RIT2: variants seen among roughly 807,000 people sequenced by gnomAD.
RIT2 encodes Ras like without CAAX 2.
A neutral mutation model predicts 23.7 loss-of-function variants in RIT2; 24 were observed. The observed-to-expected ratio is 1.01, with a 90% CI of 0.73 to 1.43. RIT2 has a LOEUF of 1.43. Ranked by LOEUF, RIT2 falls within the 40% of genes most tolerant of loss-of-function variation. The probability of loss-of-function intolerance (pLI) is 0.00; values close to 1 mark genes in which losing one functional copy is unlikely to be tolerated. For synonymous variants in RIT2, 107 were observed against 91.1 expected, an observed-to-expected ratio of 1.17 and a Z score of -0.99; for missense variants, 236 against 266.9, an observed-to-expected ratio of 0.88 and a Z score of 0.81.
intron 4 of RIT2, among the ~76,000 whole-genome samples, chr18:42,749,476 G>T (rs648543): frequency 6.6e-6 from 1 of 151,418 alleles, no homozygotes; most frequent in Non-Finnish European, 1.5e-5. Flanking sequence ...AAACAGATAA[G>T]TAAGTAAAAT....
intron 4 of RIT2, among the ~76,000 whole-genome samples, chr18:42,907,427 G>C (rs534628460): frequency 8.6e-6 from 1 of 115,824 alleles, no homozygotes; most frequent in Non-Finnish European, 1.9e-5. Flanking sequence ...GACTGTTGAA[G>C]GGGTTGAGCA....
At position 42,853,435 on chromosome 18, in the gene RIT2, A is replaced by G. The variant is rs369943050; in HGVS notation, c.426+70137T>C. On this transcript the variant is annotated intron_variant, in intron 4 of 4. Coordinates refer to ENST00000326695, the MANE Select transcript of RIT2 (RefSeq NM_002930.4). ...GCAACTGAATCCATCATTTGGAATA[A>G]ATTAATAAAATATTCCTTGCAGAAT... Among the ~76,000 whole-genome samples the G allele has an allele frequency of 2.0e-4, 31 of 152,340 alleles. 1 individual carries two copies. In the South Asian group the frequency reaches 5.4e-3, roughly 26 times the overall value.
intron 4 of RIT2, among the ~76,000 whole-genome samples, chr18:42,744,046 A>G (rs1912860962): frequency 6.6e-6 from 1 of 152,164 alleles, no homozygotes; most frequent in African/African-American, 2.4e-5. Context: ...ACCCTGTGAA[A>G]GTACTTTTCC....
chr18:43,093,811 C>T (rs1361907264), intron 1 of RIT2, among the ~76,000 whole-genome samples: 2 of 152,044 alleles, frequency 1.3e-5, no homozygotes, highest in African/African-American at 2.4e-5. Context: ...CTGACACTGA[C>T]TTGCAGAAAT....
At chr18:42,877,089 T>A (rs1292332075) in intron 4 of RIT2, among the ~76,000 whole-genome samples, 1 of 151,964 alleles carries the variant, frequency 6.6e-6, no homozygotes, top group Admixed American at 6.6e-5. Flanking sequence ...TTGAGAAATA[T>A]CATTTTTATA....
intron 1 of RIT2, among the ~76,000 whole-genome samples, chr18:43,081,127 T>A (rs1400303818): frequency 6.6e-6 from 1 of 152,180 alleles, no homozygotes; most frequent in African/African-American, 2.4e-5. Context: ...GTCATTGATA[T>A]ACTAATTACA....
intron 4 of RIT2, among the ~76,000 whole-genome samples, chr18:42,769,326 G>A (rs944789613): frequency 6.6e-6 from 1 of 151,872 alleles, no homozygotes. Context: ...GACTGAATGG[G>A]TCCTAACATA....
intron 4 of RIT2, among the ~76,000 whole-genome samples, chr18:42,816,076 T>C (rs750665889): frequency 5.9e-5 from 9 of 151,872 alleles, no homozygotes; most frequent in Non-Finnish European, 8.8e-5. Context: ...ATACGTCCTT[T>C]GGAAATAACA....
intron 4 of RIT2, among the ~76,000 whole-genome samples, chr18:42,884,532 T>A (rs1293278272): frequency 6.6e-6 from 1 of 152,220 alleles, no homozygotes; most frequent in African/African-American, 2.4e-5. Flanking sequence ...ATTCCAGAGA[T>A]GCCAGATAAT....
chr18:42,894,348 A>G (rs1908264557), intron 4 of RIT2, among the ~76,000 whole-genome samples: 2 of 152,244 alleles, frequency 1.3e-5, no homozygotes, highest in African/African-American at 4.8e-5. Flanking sequence ...AAGACACACA[A>G]AACATTTCAA....
chr18:42,860,955 G>A (rs1421643387), intron 4 of RIT2, among the ~76,000 whole-genome samples: 2 of 152,212 alleles, frequency 1.3e-5, no homozygotes, highest in Non-Finnish European at 2.9e-5. Context: ...GCATGCATGT[G>A]TATGGGTGTG....
chr18:42,758,018 T>A (rs1013231395), intron 4 of RIT2, among the ~76,000 whole-genome samples: 3 of 152,082 alleles, frequency 2.0e-5, no homozygotes, highest in African/African-American at 7.2e-5. Flanking sequence ...TTTTAATCTA[T>A]TTCAATCCTG....
chr18:43,034,629 G>A (rs886358127), intron 1 of RIT2, among the ~76,000 whole-genome samples: 2 of 152,052 alleles, frequency 1.3e-5, no homozygotes, highest in African/African-American at 4.8e-5. Context: ...ATGTGTGTTT[G>A]TTAACAGACT....
At chr18:43,022,286 A>G (rs929460768) in intron 2 of RIT2, among the ~76,000 whole-genome samples, 1 of 152,112 alleles carries the variant, frequency 6.6e-6, no homozygotes, top group African/African-American at 2.4e-5. Flanking sequence ...TATTTACCAG[A>G]TGCTAGGAAG....
At chr18:42,839,207 C>A (rs989856405) in intron 4 of RIT2, among the ~76,000 whole-genome samples, 2 of 152,042 alleles carry the variant, frequency 1.3e-5, no homozygotes, top group Non-Finnish European at 2.9e-5. Context: ...CATTAGAGGG[C>A]CATTTTTTAG....
In RIT2 at chr18:42,855,483, C is replaced by T. The variant is rs558165624; in HGVS notation, c.426+68089G>A. Among the ~76,000 whole-genome samples the T allele has an allele frequency of 1.8e-4, 27 of 152,290 alleles. No individual in the cohort carries two copies. The South Asian group carries it at 5.6e-3, about 32-fold the overall frequency. ...CACAATAAAATTCTGTGATAACTCA[C>T]TTTTCCTGACAAAACCTGTAATGAG... On this transcript the variant is annotated intron_variant, in intron 4 of 4. Transcript: ENST00000326695.
chr18:42,917,255 G>C (rs1344749524), intron 4 of RIT2, among the ~76,000 whole-genome samples: 1 of 152,058 alleles, frequency 6.6e-6, no homozygotes, highest in Non-Finnish European at 1.5e-5. Context: ...AGGACTATCT[G>C]ATTCTTTCAA....
Position 43,053,934 on chromosome 18 carries a change from T to C in RIT2, c.104-20067A>G, listed in dbSNP as rs546586458. Among the ~76,000 whole-genome samples, 7 of 152,170 alleles carry C rather than the reference T, an allele frequency of 4.6e-5. No individual in the cohort carries two copies. The South Asian group carries it at 1.2e-3, about 27-fold the overall frequency. On this transcript the variant is annotated intron_variant, in intron 1 of 4. Coordinates refer to ENST00000326695, the MANE Select transcript of RIT2 (RefSeq NM_002930.4). ...TTGCTTTAATCATACTTGCCTACAA[T>C]AGAGTCATACAAATGTATTTTGGAC...
chr18:42,880,006 T>A (rs1907845059), intron 4 of RIT2, among the ~76,000 whole-genome samples: 2 of 152,212 alleles, frequency 1.3e-5, no homozygotes, highest in Non-Finnish European at 2.9e-5. Flanking sequence ...TAGCTTGTAA[T>A]ATATAGTCAC....
Sources: gnomAD v4.1 joint callset for allele counts (sites outside exome capture counted in the v4.1 genomes callset) on GRCh38, gnomAD v4.1.1 for gene constraint, MANE v1.5 for transcripts, NCBI Gene and HGNC (gene_info 2026-07-23, HGNC 2026-07-21) for gene names.